Variants in TMSB15B observed in about 807,000 individuals in gnomAD.
The protein encoded by TMSB15B is thymosin beta-15B.
chrX:103,930,420 A>G (rs1420534300), intron 1 of TMSB15B, among the ~76,000 whole-genome samples: 1 of 111,012 alleles, frequency 9.0e-6, no homozygotes, highest in African/African-American at 3.3e-5. Flanking sequence ...CTGTTATGTC[A>G]CTAATCTCAT....
At chrX:103,929,513 C>T (rs1443179330) in intron 1 of TMSB15B, among the ~76,000 whole-genome samples, 7 of 111,243 alleles carry the variant, frequency 6.3e-5, no homozygotes, top group African/African-American at 2.3e-4. Flanking sequence ...ACCACCACCT[C>T]TCACTTCTCA....
intron 1 of TMSB15B, among the ~76,000 whole-genome samples, chrX:103,924,623 C>T (rs1182231259): frequency 9.0e-6 from 1 of 111,679 alleles, no homozygotes; most frequent in Non-Finnish European, 1.9e-5. Flanking sequence ...GTGGTTTACC[C>T]CCAATGATTT....
At chrX:103,943,228 T>G (rs184460852) in intron 1 of TMSB15B, among the ~76,000 whole-genome samples, 203 of 111,607 alleles carry the variant, frequency 1.8e-3, no homozygotes, top group Non-Finnish European at 3.4e-3. Flanking sequence ...CCCTAGTCTT[T>G]CCACTTCCAA....
Position 103,954,177 on chromosome X carries a change from T to C in TMSB15B, c.-720-7844T>C, listed in dbSNP as rs782445631. 8.0e-5 allele frequency among the ~76,000 whole-genome samples: 9 copies of C among 112,408 alleles called. No homozygotes were observed. The South Asian group carries it at 3.4e-3, about 42-fold the overall frequency. On this transcript the variant is annotated intron_variant, in intron 1 of 3. Transcript: ENST00000419165. ...TTGCAGGAGTATCTGTAGTAGAGCATGGCCAGGCATGGCCACCCCTTTAAG... is the reference window on the plus strand; with the variant it reads ...TTGCAGGAGTATCTGTAGTAGAGCACGGCCAGGCATGGCCACCCCTTTAAG...
chrX:103,935,206 A>G (rs1556321115), intron 1 of TMSB15B, among the ~76,000 whole-genome samples: 1 of 111,172 alleles, frequency 9.0e-6, no homozygotes, highest in Non-Finnish European at 1.9e-5. Flanking sequence ...TTTTTCTTAT[A>G]CATTTGTTTA....
intron 1 of TMSB15B, among the ~76,000 whole-genome samples, chrX:103,944,912 G>T (rs181871912): frequency 9.0e-6 from 1 of 111,526 alleles, no homozygotes. Flanking sequence ...TGAGTAGCTG[G>T]GACTACAGGC....
chrX:103,929,793 C>T (rs1382042910), intron 1 of TMSB15B, among the ~76,000 whole-genome samples: 8 of 111,417 alleles, frequency 7.2e-5, no homozygotes, highest in African/African-American at 2.6e-4. Flanking sequence ...TGAGTTTCCC[C>T]AAGAAACCTG....
intron 1 of TMSB15B, among the ~76,000 whole-genome samples, chrX:103,951,223 G>A (rs2075038395): frequency 8.9e-6 from 1 of 111,778 alleles, no homozygotes; most frequent in Non-Finnish European, 1.9e-5. Context: ...GGTACTGGGT[G>A]TTAGGACTCC....
At chrX:103,928,183 G>T in intron 1 of TMSB15B, 1 of 1,177,792 alleles carries the variant, frequency 8.5e-7, no homozygotes, top group Non-Finnish European at 1.2e-6. Flanking sequence ...GGCACTCCCA[G>T]GCCTATGCCC....
chrX:103,935,612 T>G (rs1454330148), intron 1 of TMSB15B, among the ~76,000 whole-genome samples: 1 of 111,504 alleles, frequency 9.0e-6, no homozygotes, highest in Non-Finnish European at 1.9e-5. Flanking sequence ...CTTTCCCCAT[T>G]GCTTTTGTCA....
At chrX:103,943,146 T>C (rs1602441028) in intron 1 of TMSB15B, among the ~76,000 whole-genome samples, 1 of 111,947 alleles carries the variant, frequency 8.9e-6, no homozygotes, top group East Asian at 2.8e-4. Flanking sequence ...TACTTGATGT[T>C]TTCACTGACA....
At chrX:103,940,677 T>C (rs6621756) in intron 1 of TMSB15B, among the ~76,000 whole-genome samples, 3 of 111,131 alleles carry the variant, frequency 2.7e-5, no homozygotes, top group African/African-American at 9.8e-5. Flanking sequence ...TGGTTCTGTC[T>C]CACTGGTGTT....
At chrX:103,920,018 G>A (rs1272775938) in intron 1 of TMSB15B, among the ~76,000 whole-genome samples, 4 of 111,630 alleles carry the variant, frequency 3.6e-5, no homozygotes, top group African/African-American at 1.3e-4. Context: ...CAACCTTTAT[G>A]GTGCCCATTG....
At chrX:103,925,319 A>C (rs2074965168) in intron 1 of TMSB15B, among the ~76,000 whole-genome samples, 1 of 112,241 alleles carries the variant, frequency 8.9e-6, no homozygotes, top group African/African-American at 3.2e-5. Context: ...CTGGCATCTT[A>C]ATAGAAAATA....
intron 1 of TMSB15B, chrX:103,928,509 G>A: frequency 8.3e-7 from 1 of 1,198,912 alleles, no homozygotes; most frequent in Middle Eastern, 2.3e-4. Flanking sequence ...TTGAAAGGGT[G>A]CAAAATGTGC....
At chrX:103,926,866 C>T (rs1369674617) in intron 1 of TMSB15B, among the ~76,000 whole-genome samples, 1 of 108,554 alleles carries the variant, frequency 9.2e-6, no homozygotes, top group African/African-American at 3.4e-5. Flanking sequence ...CCAGCCTGGC[C>T]ATCATGTCCC....
exon 1 of TMSB15B, chrX:103,919,220 C>G (rs1556316631): frequency 8.8e-6 from 1 of 113,028 alleles, no homozygotes; most frequent in Non-Finnish European, 1.9e-5. Flanking sequence ...GGGCTGAGGC[C>G]GACAGGCACG....
chrX:103,932,626 G>A (rs1301845707), intron 1 of TMSB15B: 1 of 111,890 alleles, frequency 8.9e-6, no homozygotes, highest in African/African-American at 3.2e-5. Context: ...AAATAATTGA[G>A]TTTTACAAAT....
intron 1 of TMSB15B, among the ~76,000 whole-genome samples, chrX:103,927,416 G>T (rs1412094505): frequency 1.8e-5 from 2 of 111,935 alleles, no homozygotes; most frequent in Non-Finnish European, 3.8e-5. Flanking sequence ...GGTCTACAGG[G>T]TTAGGTTTGG....
Sources: gnomAD v4.1 joint callset for allele counts (sites outside exome capture counted in the v4.1 genomes callset) on GRCh38, gnomAD v4.1.1 for gene constraint, MANE v1.5 for transcripts, NCBI Gene and HGNC (gene_info 2026-07-23, HGNC 2026-07-21) for gene names.